Variants in EVA1C observed in about 807,000 individuals in gnomAD.
EVA1C encodes the protein eva-1 homolog C.
A neutral mutation model predicts 45.4 loss-of-function variants in EVA1C; 25 were observed. The ratio of observed to expected loss-of-function variants is 0.55; its 90% CI spans 0.40 to 0.77. The LOEUF (loss-of-function observed/expected upper bound fraction) is 0.77. EVA1C is among the 30% of genes least tolerant of loss of function. The pLI, the probability that EVA1C is intolerant of heterozygous loss-of-function variation, is 0.00. For synonymous variants in EVA1C, 190 were observed against 221.2 expected, an observed-to-expected ratio of 0.86 and a Z score of 1.25; for missense variants, 479 against 554.8, an observed-to-expected ratio of 0.86 and a Z score of 1.37.
In EVA1C at chr21:32,457,668, C is replaced by T. The variant is rs148134314; in HGVS notation, c.429C>T (p.Asp143=). The T allele has an allele frequency of 1.8e-4, 291 of 1,614,090 alleles. 1 individual carries two copies. In the African/African-American group the frequency reaches 3.6e-3, roughly 20 times the overall value. Reference sequence around the variant, plus strand: ...TCAATAGCCGTGTTTTTGGACCTGACCTTTGTCCAGGAAGCAGTAAATACC... The same window carrying T: ...TCAATAGCCGTGTTTTTGGACCTGATCTTTGTCCAGGAAGCAGTAAATACC... ...LLVNSRVFGP[D]LCPGSSKYLL... The change falls in exon 3 of 8, where the codon GAC becomes GAT. Residue 143 remains aspartate, a synonymous_variant. Coordinates refer to ENST00000300255, the MANE Select transcript of EVA1C (RefSeq NM_058187.5).
At chr21:32,416,091 C>T (rs1045715068) in intron 1 of EVA1C, among the ~76,000 whole-genome samples, 2 of 150,694 alleles carry the variant, frequency 1.3e-5, no homozygotes, top group African/African-American at 4.9e-5. Context: ...GGGAGGGGTG[C>T]CCTCTTGAGT....
rs538609065 is a variant in EVA1C at position 32,493,691 on chromosome 21, C to T, written c.635-1336C>T. 7 of 152,410 alleles carry T rather than the reference C, an allele frequency of 4.6e-5. No individual in the cohort carries two copies. In the East Asian group the frequency reaches 1.3e-3, roughly 29 times the overall value. 9.4% of individuals were successfully genotyped at this position (152,410 alleles called of 1,614,324 possible). A position where few individuals can be genotyped will look rare whatever the true frequency, so the allele number is the denominator to read the frequency against. On this transcript the variant is annotated intron_variant, in intron 4 of 7. Transcript: ENST00000300255. Reference sequence around the variant, plus strand: ...TTCCACTATCAGACACCAGCTCTCACATGTGTGTTTTGACTCTCTAGCTCT... The same window carrying T: ...TTCCACTATCAGACACCAGCTCTCATATGTGTGTTTTGACTCTCTAGCTCT...
At chr21:32,503,837 G>C in intron 6 of EVA1C, 89 bp from the exon 7 acceptor site, 1 of 780,524 alleles carries the variant, frequency 1.3e-6, no homozygotes, top group Non-Finnish European at 2.1e-6. Context: ...TATTCCGGCG[G>C]TCCCTGGGGT....
intron 1 of EVA1C, among the ~76,000 whole-genome samples, chr21:32,441,605 C>T (rs900308246): frequency 2.6e-5 from 4 of 152,086 alleles, no homozygotes; most frequent in Non-Finnish European, 4.4e-5. Flanking sequence ...AATGGATTGA[C>T]ATGTGTAGAC....
At chr21:32,442,530 C>T (rs902930644) in intron 1 of EVA1C, among the ~76,000 whole-genome samples, 2 of 151,600 alleles carry the variant, frequency 1.3e-5, no homozygotes, top group African/African-American at 4.9e-5. Context: ...TTCACAAACA[C>T]AAAAGAAAAG....
chr21:32,487,837 T>G (rs1299308009), intron 4 of EVA1C, among the ~76,000 whole-genome samples: 1 of 152,136 alleles, frequency 6.6e-6, no homozygotes, highest in Non-Finnish European at 1.5e-5. Context: ...TTGTGTCCTT[T>G]TATAATAACT....
At chr21:32,491,440 G>C (rs1191523325) in intron 4 of EVA1C, among the ~76,000 whole-genome samples, 1 of 151,928 alleles carries the variant, frequency 6.6e-6, no homozygotes, top group Non-Finnish European at 1.5e-5. Context: ...TGTAATCCCA[G>C]CACTTTGGGC....
At chr21:32,465,435 T>A (rs1240689464) in intron 3 of EVA1C, among the ~76,000 whole-genome samples, 1 of 152,156 alleles carries the variant, frequency 6.6e-6, no homozygotes, top group African/African-American at 2.4e-5. Context: ...ACGCCAATGC[T>A]TGTTTGGCTG....
chr21:32,434,405 C>G (rs2146175449), intron 1 of EVA1C, among the ~76,000 whole-genome samples: 1 of 151,502 alleles, frequency 6.6e-6, no homozygotes, highest in East Asian at 2.0e-4. Context: ...TCCTGGCTAA[C>G]ATGGTGAAAC....
chr21:32,470,731 G>GCTAT (rs1392257993), intron 4 of EVA1C, among the ~76,000 whole-genome samples: 2 of 150,382 alleles, frequency 1.3e-5, no homozygotes, highest in African/African-American at 5.0e-5. Context: ...AGTGGCCTCA[G>GCTAT]CTATCTTTCT....
rs914244544 is a variant in EVA1C, at chr21:32,473,829, G to A, written c.634+5981G>A. The A allele has an allele frequency of 2.9e-5, 22 of 751,256 alleles. No individual in the cohort carries two copies. The East Asian group carries it at 1.0e-3, about 36-fold the overall frequency. 46.5% of individuals were successfully genotyped at this position (751,256 alleles called of 1,614,324 possible). A position where few individuals can be genotyped will look rare whatever the true frequency, so the allele number is the denominator to read the frequency against. ...AAATGCCCTTAGCACTGTCCTGAAC[G>A]GTGAGGTCAGAGCTGAACCTTCCAT... On this transcript the variant is annotated intron_variant, in intron 4 of 7. Coordinates refer to ENST00000300255, the MANE Select transcript of EVA1C (RefSeq NM_058187.5).
chr21:32,501,854 G>A (rs116251756), intron 6 of EVA1C, among the ~76,000 whole-genome samples: 2,189 of 152,160 alleles, frequency 0.014, 63 homozygotes, highest in African/African-American at 0.05. Context: ...CTGCGTAGGC[G>A]CCAGGGCCAA....
chr21:32,514,764 G>A (rs1284951852), intron 7 of EVA1C, 50 bp from the exon 8 acceptor site: 1 of 1,497,018 alleles, frequency 6.7e-7, no homozygotes, highest in East Asian at 2.3e-5. Flanking sequence ...TGGCACTGGT[G>A]GAGTCTGCCA....
chr21:32,464,371 G>A lies in EVA1C; in HGVS notation c.482-3325G>A, dbSNP rs56824053. On this transcript the variant is annotated intron_variant, in intron 3 of 7. Transcript: ENST00000300255. The stretch of plus-strand genomic sequence containing the variant: ...CCTTTCATTCATCTTGAATGTTCCC[G>A]TCCTCATGGATGAAAGGATAGCAAC... 9.4e-3 allele frequency among the ~76,000 whole-genome samples: 1,430 copies of A among 152,210 alleles called. 22 individuals carry two copies. The highest frequency in any genetic ancestry group is 0.037 in the Admixed American group (565 of 15,288).
At chr21:32,438,848 A>G (rs1179070958) in intron 1 of EVA1C, among the ~76,000 whole-genome samples, 1 of 152,180 alleles carries the variant, frequency 6.6e-6, no homozygotes, top group South Asian at 2.1e-4. Flanking sequence ...TGAAGAAAAC[A>G]GAAGTCTTAG....
At chr21:32,431,812 T>C (rs1375779262) in intron 1 of EVA1C, among the ~76,000 whole-genome samples, 2 of 152,196 alleles carry the variant, frequency 1.3e-5, no homozygotes, top group African/African-American at 4.8e-5. Flanking sequence ...AATATTCCTG[T>C]GTATTCCTTA....
chr21:32,491,888 T>G (rs914879799), intron 4 of EVA1C, among the ~76,000 whole-genome samples: 4 of 151,842 alleles, frequency 2.6e-5, no homozygotes, highest in African/African-American at 4.8e-5. Context: ...AGACAATCAT[T>G]GCACATGGCG....
chr21:32,479,255 T>C (rs1484887583), intron 4 of EVA1C, among the ~76,000 whole-genome samples: 1 of 152,086 alleles, frequency 6.6e-6, no homozygotes, highest in Non-Finnish European at 1.5e-5. Flanking sequence ...ACCCCATCTC[T>C]ACTAAAAATA....
intron 1 of EVA1C, among the ~76,000 whole-genome samples, chr21:32,425,168 A>G (rs1485632249): frequency 6.6e-6 from 1 of 151,086 alleles, no homozygotes; most frequent in Non-Finnish European, 1.5e-5. Context: ...CAAACAAACA[A>G]ACAACAACAA....
Sources: allele counts gnomAD v4.1 joint callset (sites outside exome capture counted in the v4.1 genomes callset), GRCh38; gene constraint gnomAD v4.1.1; transcripts MANE v1.5; gene names NCBI Gene and HGNC (gene_info 2026-07-23, HGNC 2026-07-21).